FAM185A: variants seen among roughly 807,000 people sequenced by gnomAD.
The protein encoded by FAM185A is family with sequence similarity 185 member A.
A neutral mutation model predicts 45.7 loss-of-function variants in FAM185A; 21 were observed. The ratio of observed to expected loss-of-function variants is 0.46; its 90% CI spans 0.33 to 0.66. The LOEUF is 0.66. Ranked by LOEUF, FAM185A falls within the 30% of genes least tolerant of loss-of-function variation. The pLI is 0.03. For missense variants in FAM185A, 305 were observed against 485.4 expected, an observed-to-expected ratio of 0.63 and a Z score of 3.49; for synonymous variants, 117 against 194.0, an observed-to-expected ratio of 0.60 and a Z score of 3.30.
At chr7:102,752,627 T>C (rs1793440692) in intron 2 of FAM185A, among the ~76,000 whole-genome samples, 1 of 151,568 alleles carries the variant, frequency 6.6e-6, no homozygotes, top group South Asian at 2.1e-4. Flanking sequence ...TGTCTCACTG[T>C]ATTGCCCAGG....
At chr7:102,822,209 C>A in the FAM185A span, 1 of 1,613,854 alleles carries the variant, frequency 6.2e-7, no homozygotes, top group Non-Finnish European at 8.5e-7. Context: ...GTAATCTGAA[C>A]ACAGAGCCAA....
At chr7:102,797,065 G>A (rs1253972102) in intron 7 of FAM185A, among the ~76,000 whole-genome samples, 1 of 152,182 alleles carries the variant, frequency 6.6e-6, no homozygotes, top group African/African-American at 2.4e-5. Flanking sequence ...AAATTTAGTG[G>A]ATAGGCATCA....
rs189850754 is a variant in FAM185A, at chr7:102,804,611, A to G, written c.1067-3679A>G. ...GATAACATTAGAAAAACCCTTCTAG[A>G]CATTGGCTTAGGCAAGGATTTCATG... On this transcript the variant is annotated intron_variant, in intron 7 of 7. Transcript: ENST00000413034. Among the ~76,000 whole-genome samples the G allele has an allele frequency of 2.6e-4, 40 of 152,368 alleles. No homozygotes were observed. The East Asian group carries it at 7.7e-3, about 29-fold the overall frequency.
Position 102,808,492 on chromosome 7 carries a change from GA to G in FAM185A, c.*94del. The G allele has an allele frequency of 1.2e-6, 1 of 836,602 alleles. No homozygotes were observed. Among genetic ancestry groups the G allele is most frequent in the South Asian group, 1.5e-5 (1 of 64,590 alleles). The allele number at this position is 836,602 out of a possible 1,614,324, so 51.8% of individuals were successfully genotyped here. A position where few individuals can be genotyped will look rare whatever the true frequency, so the allele number is the denominator to read the frequency against. ...AAATCCCACCATTCATATAAAGGTT[GA>G]AAACAACAAATTGAGAATGAATACT... On this transcript the variant is annotated 3_prime_UTR_variant, in exon 8 of 8. Transcript: ENST00000413034.
At chr7:102,764,838 T>G (rs1794294482) in intron 4 of FAM185A, among the ~76,000 whole-genome samples, 1 of 151,760 alleles carries the variant, frequency 6.6e-6, no homozygotes, top group African/African-American at 2.4e-5. Flanking sequence ...AAAAAAAAAA[T>G]CCAACATATA....
chr7:102,831,317 G>A, the FAM185A span, among the ~76,000 whole-genome samples: 1 of 151,928 alleles, frequency 6.6e-6, no homozygotes, highest in Non-Finnish European at 1.5e-5. Context: ...GTAAGGTCTG[G>A]AGGGATGGGA....
chr7:102,749,650 T>A lies in FAM185A; in HGVS notation c.443T>A (p.Leu148Gln). ...PQASVEVNAP[L>Q]KFGLDIKSSG... The stretch of plus-strand genomic sequence containing the variant: ...GCGTCCGTGGAGGTGAACGCGCCCC[T>A]GAAGTTTGGCAAGTGAAGTGAAGTG... Residue 148 changes from leucine to glutamine, a missense_variant, in exon 1 of 8, where the codon CTG becomes CAG. Physicochemically the swap from Leu to Gln is moderately radical, Grantham distance 113. Around this residue, in one of 5 missense-constraint regions of FAM185A, gnomAD observed 174 missense variants for 247.1 expected, o/e 0.70. Transcript: ENST00000413034. The A allele has an allele frequency of 6.8e-7, 1 of 1,472,288 alleles. No individual in the cohort carries two copies. The highest frequency in any genetic ancestry group is 2.5e-5 in the East Asian group (1 of 40,542). 91.2% of individuals were successfully genotyped at this position (1,472,288 alleles called of 1,614,324 possible). A position where few individuals can be genotyped will look rare whatever the true frequency, so the allele number is the denominator to read the frequency against.
At chr7:102,781,539 C>T (rs1174175612) in intron 6 of FAM185A, among the ~76,000 whole-genome samples, 1 of 152,196 alleles carries the variant, frequency 6.6e-6, no homozygotes, top group East Asian at 1.9e-4. Context: ...TGCTGATACC[C>T]AGGCAAACGG....
chr7:102,758,106 A>T (rs1283850590), intron 3 of FAM185A, among the ~76,000 whole-genome samples, 160 bp downstream of exon 3: 1 of 151,926 alleles, frequency 6.6e-6, no homozygotes, highest in Non-Finnish European at 1.5e-5. Context: ...TGATGAAATA[A>T]TATACAACTT....
At chr7:102,775,097 G>C (rs576028990) in intron 5 of FAM185A, among the ~76,000 whole-genome samples, 1 of 151,222 alleles carries the variant, frequency 6.6e-6, no homozygotes, top group African/African-American at 2.4e-5. Context: ...ATAATGATTT[G>C]ATATACATAT....
intron 6 of FAM185A, among the ~76,000 whole-genome samples, chr7:102,780,841 G>C (rs560067835): frequency 6.6e-6 from 1 of 152,220 alleles, no homozygotes; most frequent in African/African-American, 2.4e-5. Flanking sequence ...CGCACCGAGC[G>C]TGAGCCAAAG....
the FAM185A span, chr7:102,833,004 C>A: frequency 1.3e-5 from 21 of 1,612,488 alleles, no homozygotes; most frequent in Middle Eastern, 3.3e-4. Flanking sequence ...CAAATTTTTT[C>A]TTTTCTTTAG....
the FAM185A span, among the ~76,000 whole-genome samples, chr7:102,833,663 C>T: frequency 6.6e-6 from 1 of 151,302 alleles, no homozygotes; most frequent in South Asian, 2.1e-4. Context: ...AACTCCTGAC[C>T]TCAAGTGATC....
the FAM185A span, among the ~76,000 whole-genome samples, chr7:102,837,900 A>C: frequency 1.3e-5 from 2 of 152,210 alleles, no homozygotes; most frequent in African/African-American, 4.8e-5. Flanking sequence ...TATCTTCTGC[A>C]TTGACTGTAA....
In FAM185A at chr7:102,808,388, A is replaced by G. The variant is rs959960120; in HGVS notation, c.1165A>G (p.Lys389Glu). ...FRRQSWFQSL[K>E]LQD The stretch of plus-strand genomic sequence containing the variant: ...AAGGCAAAGTTGGTTTCAGTCCCTG[A>G]AACTGCAGGACTAAAACTGATTTGA... The change falls in exon 8 of 8, where the codon AAA becomes GAA. Residue 389 changes from lysine to glutamate, a missense_variant. Lys to Glu is a moderately conservative substitution (Grantham distance 56). This residue lies in a region of FAM185A where 66 missense variants were observed against 74.6 expected (regional missense o/e 0.89). Coordinates refer to ENST00000413034, the MANE Select transcript of FAM185A (RefSeq NM_001145268.2). 7 of 1,540,378 alleles carry G rather than the reference A, an allele frequency of 4.5e-6. No individual in the cohort carries two copies. The highest frequency in any genetic ancestry group is 5.3e-6 in the Non-Finnish European group (6 of 1,136,808).
chr7:102,800,641 A>G (rs928044716), intron 7 of FAM185A, among the ~76,000 whole-genome samples: 1 of 151,828 alleles, frequency 6.6e-6, no homozygotes, highest in East Asian at 2.0e-4. Context: ...AGAAGAGAGA[A>G]AATAAGAGCT....
chr7:102,771,650 A>C (rs1396593917), intron 4 of FAM185A, among the ~76,000 whole-genome samples: 1 of 152,074 alleles, frequency 6.6e-6, no homozygotes, highest in Admixed American at 6.6e-5. Context: ...TTTTTAGTGT[A>C]GTTTTGGAAT....
chr7:102,785,956 G>T (rs1264586270), intron 6 of FAM185A, among the ~76,000 whole-genome samples: 1 of 152,032 alleles, frequency 6.6e-6, no homozygotes, highest in South Asian at 2.1e-4. Context: ...ATATCCAGAA[G>T]GTACAATGAA....
At chr7:102,813,159 T>A (rs1460028508), downstream of FAM185A, 1 of 633,554 alleles carries the variant, frequency 1.6e-6, no homozygotes, top group Non-Finnish European at 2.6e-6. Context: ...TTTTAAATCA[T>A]GATTATTTAG....
Sources: gnomAD v4.1 joint callset for allele counts (sites outside exome capture counted in the v4.1 genomes callset) on GRCh38, gnomAD v4.1.1 for gene constraint, gnomAD v4.1.1 regional missense constraint, MANE v1.5 for transcripts, NCBI Gene and HGNC (gene_info 2026-07-23, HGNC 2026-07-21) for gene names.